VPS37A: variants seen among roughly 807,000 people sequenced by gnomAD.
VPS37A encodes the protein vacuolar protein sorting-associated protein 37A.
Under a neutral mutation model 49.8 loss-of-function variants are expected in VPS37A, and 30 were observed. The ratio of observed to expected loss-of-function variants is 0.60; its 90% CI spans 0.45 to 0.82. The LOEUF (loss-of-function observed/expected upper bound fraction) is 0.82. VPS37A is among the 40% of genes least tolerant of loss of function. The pLI, the probability that VPS37A is intolerant of heterozygous loss-of-function variation, is 0.00. For missense variants in VPS37A, 593 were observed against 464.4 expected, an observed-to-expected ratio of 1.28 and a Z score of -2.55; for synonymous variants, 195 against 160.6, an observed-to-expected ratio of 1.21 and a Z score of -1.62.
At chr8:17,256,533 G>T (rs762276554) in intron 1 of VPS37A, among the ~76,000 whole-genome samples, 14 of 151,332 alleles carry the variant, frequency 9.3e-5, no homozygotes, top group African/African-American at 1.5e-4. Context: ...TCATGTATTC[G>T]GTAGTTAATC....
chr8:17,321,295 G>C, the VPS37A span, among the ~76,000 whole-genome samples: 1 of 152,236 alleles, frequency 6.6e-6, no homozygotes, highest in Admixed American at 6.5e-5. Context: ...TGTCCTGCCA[G>C]AGAGAATGTC....
chr8:17,290,141 G>A (rs1176977009), intron 11 of VPS37A, among the ~76,000 whole-genome samples: 1 of 152,208 alleles, frequency 6.6e-6, no homozygotes, highest in African/African-American at 2.4e-5. Context: ...CGGGTCATCT[G>A]CAAACAGAGA....
downstream of VPS37A, among the ~76,000 whole-genome samples, chr8:17,303,894 C>T (rs1817285984): frequency 6.6e-6 from 1 of 152,198 alleles, no homozygotes; most frequent in Admixed American, 6.5e-5. Flanking sequence ...GTAATTTCCA[C>T]AAGGGAAGTA....
chr8:17,320,131 T>C, the VPS37A span, among the ~76,000 whole-genome samples: 2 of 151,844 alleles, frequency 1.3e-5, no homozygotes, highest in Non-Finnish European at 2.9e-5. Context: ...ATTAATAATA[T>C]AAATATATAT....
chr8:17,256,432 G>A (rs1007636668), intron 1 of VPS37A, among the ~76,000 whole-genome samples: 7 of 149,204 alleles, frequency 4.7e-5, no homozygotes, highest in African/African-American at 1.7e-4. Flanking sequence ...ACCACACCCT[G>A]TATGCTGCTT....
the VPS37A span, among the ~76,000 whole-genome samples, chr8:17,317,672 C>G: frequency 6.6e-6 from 1 of 151,932 alleles, no homozygotes; most frequent in African/African-American, 2.4e-5. Flanking sequence ...AACTGCTTCT[C>G]GTGCAAACAT....
chr8:17,280,247 C>G lies in VPS37A; in HGVS notation c.850C>G (p.Leu284Val). The G allele has an allele frequency of 6.2e-7, 1 of 1,612,556 alleles. No individual in the cohort carries two copies. The highest frequency in any genetic ancestry group is 8.5e-7 in the Non-Finnish European group (1 of 1,179,258). Residue 284 changes from leucine to valine, a missense_variant, in exon 8 of 12, where the codon CTC becomes GTC. Physicochemically the swap from Leu to Val is conservative, Grantham distance 32 (BLOSUM62 1). Coordinates refer to ENST00000324849, the MANE Select transcript of VPS37A (RefSeq NM_152415.3). The stretch of plus-strand genomic sequence containing the variant: ...AGAGATTTATCTTACAGGAAAAAAT[C>G]TCCTTTTGGAGCCCAGCTTGGAAGC... ...KSIEELARKN[L>V]LLEPSLEAKR... is the part of the protein sequence containing the mutation.
At chr8:17,263,312 A>C (rs1364971463) in intron 1 of VPS37A, among the ~76,000 whole-genome samples, 1 of 152,206 alleles carries the variant, frequency 6.6e-6, no homozygotes, top group African/African-American at 2.4e-5. Flanking sequence ...AAATAGCAAC[A>C]TTCAAAATCA....
the VPS37A span, among the ~76,000 whole-genome samples, chr8:17,317,932 A>G: frequency 2.6e-5 from 4 of 151,098 alleles, no homozygotes; most frequent in Admixed American, 6.6e-5. Context: ...CTTCATTCTC[A>G]TTTCAGTGGG....
At chr8:17,267,769 C>A (rs1483081281) in intron 2 of VPS37A, among the ~76,000 whole-genome samples, 1 of 152,216 alleles carries the variant, frequency 6.6e-6, no homozygotes, top group Non-Finnish European at 1.5e-5. Context: ...TCAAGTGGCT[C>A]TCCTGCCTTA....
intron 2 of VPS37A, among the ~76,000 whole-genome samples, chr8:17,266,543 A>G (rs1813473342): frequency 6.6e-6 from 1 of 152,224 alleles, no homozygotes; most frequent in African/African-American, 2.4e-5. Context: ...ATGAGGCTGT[A>G]GTGTGAAAAG....
intron 6 of VPS37A, chr8:17,279,748 C>G (rs1181185958): frequency 2.0e-6 from 1 of 489,830 alleles, no homozygotes. Context: ...GAACACTTCC[C>G]CACGGTTGTG....
At chr8:17,284,376 A>G in intron 9 of VPS37A, 97 bp from the exon 10 acceptor site, 1 of 1,396,586 alleles carries the variant, frequency 7.2e-7, no homozygotes, top group South Asian at 1.6e-5. Context: ...AGGGCATATA[A>G]TAAATTGCCT....
chr8:17,278,710 A>G (rs1250706643), intron 6 of VPS37A, among the ~76,000 whole-genome samples: 1 of 152,040 alleles, frequency 6.6e-6, no homozygotes, highest in Non-Finnish European at 1.5e-5. Flanking sequence ...TTTGTTTTTT[A>G]CAGTTCTGTT....
chr8:17,324,240 ACT>A, the VPS37A span, among the ~76,000 whole-genome samples: 362 of 152,288 alleles, frequency 2.4e-3, no homozygotes, highest in Non-Finnish European at 3.7e-3. Flanking sequence ...CATATAGAAC[ACT>A]CTCAGTAACT....
the VPS37A span, among the ~76,000 whole-genome samples, chr8:17,323,479 C>T: frequency 6.6e-6 from 1 of 152,146 alleles, no homozygotes; most frequent in Admixed American, 6.5e-5. Flanking sequence ...GCAAATGGCA[C>T]AAGAGAAGTC....
At chr8:17,269,205 G>T (rs930034232) in intron 4 of VPS37A, among the ~76,000 whole-genome samples, 3 of 151,872 alleles carry the variant, frequency 2.0e-5, no homozygotes, top group Non-Finnish European at 4.4e-5. Flanking sequence ...TTATCTGTTG[G>T]CCTCCTATTG....
chr8:17,247,407 G>T, intron 1 of VPS37A, 38 bp downstream of exon 1: 1 of 1,525,532 alleles, frequency 6.6e-7, no homozygotes, highest in South Asian at 1.2e-5. Flanking sequence ...GGAAAAAGTA[G>T]GGTGGGAGGG....
chr8:17,269,180 C>T (rs1279322995), intron 4 of VPS37A, among the ~76,000 whole-genome samples: 1 of 152,118 alleles, frequency 6.6e-6, no homozygotes. Flanking sequence ...TCACTCGATT[C>T]TTTCATTTTA....
Sources: allele counts gnomAD v4.1 joint callset (sites outside exome capture counted in the v4.1 genomes callset), GRCh38; gene constraint gnomAD v4.1.1; transcripts MANE v1.5; gene names NCBI Gene and HGNC (gene_info 2026-07-23, HGNC 2026-07-21).